Variants in DOCK1 observed in about 807,000 individuals in gnomAD.
DOCK1 encodes the protein dedicator of cytokinesis 1.
A neutral mutation model predicts 262.7 loss-of-function variants in DOCK1; 138 were observed. That is an observed-to-expected ratio of 0.53 (90% CI 0.46 to 0.61). The LOEUF is 0.61. Ranked by LOEUF, DOCK1 falls within the 20% of genes least tolerant of loss-of-function variation. DOCK1 has a pLI of 0.00. For synonymous variants in DOCK1, 866 were observed against 867.4 expected (o/e 1.00, Z 0.03); for missense variants, 1,908 against 2,370.7 (o/e 0.80, Z 4.05).
Position 127,024,697 on chromosome 10 carries a change from C to T in DOCK1, c.1465C>T (p.Pro489Ser), listed in dbSNP as rs1434561401. 1 of 1,610,554 alleles carries T rather than the reference C, an allele frequency of 6.2e-7. No individual in the cohort carries two copies. Among genetic ancestry groups the T allele is most frequent in the Non-Finnish European group, 8.5e-7 (1 of 1,178,634 alleles). ...DGKRLEHVIF[P>S]GAGDEAISEY... ...TCTTCTTTTAAAGCATGTGATTTTC[C>T]CGGGTGCTGGTGATGAAGCGATTTC... is the stretch of plus-strand genomic sequence containing the variant. Residue 489 changes from proline (P) to serine (S), a missense_variant, in exon 15 of 52, where the codon CCG becomes TCG. Pro to Ser is a moderately conservative substitution (Grantham distance 74). This residue lies in a region of DOCK1 where 294 missense variants were observed against 439.9 expected (regional missense o/e 0.67). Coordinates refer to ENST00000623213, the MANE Select transcript of DOCK1 (RefSeq NM_001290223.2).
chr10:126,971,061 T>G (rs2038066581), intron 2 of DOCK1, among the ~76,000 whole-genome samples: 1 of 147,704 alleles, frequency 6.8e-6, no homozygotes, highest in Non-Finnish European at 1.5e-5. Context: ...TTTTTTTTTT[T>G]TCCTTTTGAG....
chr10:127,085,723 A>T (rs1428931186), intron 23 of DOCK1, among the ~76,000 whole-genome samples: 1 of 152,032 alleles, frequency 6.6e-6, no homozygotes, highest in East Asian at 1.9e-4. Context: ...GCGCCACTGC[A>T]CTCCAGCCTG....
At chr10:127,051,316 C>T (rs950570323) in intron 21 of DOCK1, among the ~76,000 whole-genome samples, 1 of 151,968 alleles carries the variant, frequency 6.6e-6, no homozygotes, top group African/African-American at 2.4e-5. Flanking sequence ...CTTCATGTGT[C>T]CACTGATAGT....
rs142413965 is a variant in DOCK1, at chr10:127,029,489, C to T, written c.1625-2161C>T. On this transcript the variant is annotated intron_variant, in intron 16 of 51. Transcript: ENST00000623213. ...GTCGGCAACTCCAGCTGCACCAGAC[C>T]GTGTGGTCCACGGAGCCAGGCAGAC... Among the ~76,000 whole-genome samples, 427 of 152,320 alleles carry T rather than the reference C, an allele frequency of 2.8e-3. 2 individuals are homozygous for T. The highest frequency in any genetic ancestry group is 9.0e-3 in the African/African-American group (375 of 41,578).
chr10:127,067,983 C>T lies in DOCK1; in HGVS notation c.2445+6207C>T, dbSNP rs566081705. Reference sequence around the variant, plus strand: ...GTTTGTCTTCCTTCTGGGGCACTGTCCCCAGGGAGCAGGCTTCCCCATCTC... The same window carrying T: ...GTTTGTCTTCCTTCTGGGGCACTGTTCCCAGGGAGCAGGCTTCCCCATCTC... On this transcript the variant is annotated intron_variant, in intron 23 of 51. Coordinates refer to ENST00000623213, the MANE Select transcript of DOCK1 (RefSeq NM_001290223.2). 2.1e-4 allele frequency among the ~76,000 whole-genome samples: 32 copies of T among 152,100 alleles called. No individual in the cohort carries two copies. The South Asian group carries it at 6.2e-3, about 30-fold the overall frequency.
intron 27 of DOCK1, among the ~76,000 whole-genome samples, chr10:127,227,585 A>C (rs971842689): frequency 2.0e-5 from 3 of 152,248 alleles, no homozygotes; most frequent in African/African-American, 7.2e-5. Context: ...ATGCTGGTCC[A>C]TGCAGAAACA....
chr10:127,015,119 TCTTC>T (rs962504855), intron 12 of DOCK1: 4 of 152,098 alleles, frequency 2.6e-5, no homozygotes, highest in Admixed American at 2.0e-4. Context: ...TATTGGTGGT[TCTTC>T]CTTCTTCAAA....
At chr10:127,377,730 A>T (rs139977807) in intron 35 of DOCK1, among the ~76,000 whole-genome samples, 2,004 of 152,052 alleles carry the variant, frequency 0.013, 48 homozygotes, top group African/African-American at 0.046. Context: ...CATCTCTACT[A>T]AAAATACAAA....
intron 4 of DOCK1, among the ~76,000 whole-genome samples, chr10:126,985,652 G>A (rs917551685): frequency 2.6e-5 from 4 of 152,144 alleles, no homozygotes; most frequent in African/African-American, 9.7e-5. Flanking sequence ...CAGCCCAGTC[G>A]TTGTTGCAGA....
intron 25 of DOCK1, among the ~76,000 whole-genome samples, chr10:127,111,601 T>C (rs1481715763): frequency 6.6e-6 from 1 of 152,128 alleles, no homozygotes; most frequent in Non-Finnish European, 1.5e-5. Flanking sequence ...AGGCTGATGA[T>C]AGAGGTGATG....
At chr10:127,372,104 C>G (rs766190020) in intron 33 of DOCK1, among the ~76,000 whole-genome samples, 5 of 152,190 alleles carry the variant, frequency 3.3e-5, no homozygotes, top group Non-Finnish European at 7.3e-5. Context: ...GAGAGATTCA[C>G]TAAGGTCCGG....
chr10:127,088,238 C>T (rs1369106725), intron 23 of DOCK1, among the ~76,000 whole-genome samples: 1 of 152,184 alleles, frequency 6.6e-6, no homozygotes, highest in African/African-American at 2.4e-5. Flanking sequence ...GTCCTTTTCG[C>T]TTATTATTGT....
chr10:127,332,692 C>G (rs2720996), intron 29 of DOCK1, among the ~76,000 whole-genome samples: 169 of 152,286 alleles, frequency 1.1e-3, no homozygotes, highest in African/African-American at 3.8e-3. Flanking sequence ...TTACTTTGCC[C>G]TTGTGATACT....
chr10:127,382,540 G>A (rs903540624), intron 37 of DOCK1, among the ~76,000 whole-genome samples: 19 of 152,274 alleles, frequency 1.2e-4, no homozygotes, highest in South Asian at 1.0e-3. Flanking sequence ...ATTTTGCCCC[G>A]TGCCACGTGG....
At chr10:127,211,302 A>G (rs558491770) in intron 27 of DOCK1, among the ~76,000 whole-genome samples, 1 of 152,300 alleles carries the variant, frequency 6.6e-6, no homozygotes, top group Non-Finnish European at 1.5e-5. Flanking sequence ...GCAGACTCCT[A>G]GACTCGGGTT....
intron 23 of DOCK1, among the ~76,000 whole-genome samples, chr10:127,074,615 A>G (rs1591914225): frequency 6.6e-6 from 1 of 152,334 alleles, no homozygotes; most frequent in Middle Eastern, 3.4e-3. Flanking sequence ...TAAAAAGTGT[A>G]TCTTATTAAA....
chr10:127,066,944 G>A (rs77503109), intron 23 of DOCK1, among the ~76,000 whole-genome samples: 4,403 of 152,308 alleles, frequency 0.029, 185 homozygotes, highest in East Asian at 0.13. Context: ...TTGGCTCCTA[G>A]AGACAGTGTT....
At chr10:127,156,282 C>T (rs2053038923) in intron 27 of DOCK1, among the ~76,000 whole-genome samples, 1 of 152,144 alleles carries the variant, frequency 6.6e-6, no homozygotes, top group Non-Finnish European at 1.5e-5. Context: ...AGTCACACTT[C>T]AGGTCCAGGA....
rs1027535369 is a variant in DOCK1, at chr10:127,100,862, G to T, written c.2446-5369G>T. 1.3e-5 allele frequency among the ~76,000 whole-genome samples: 2 copies of T among 152,134 alleles called. No individual in the cohort carries two copies. Among genetic ancestry groups the T allele is most frequent in the African/African-American group, 4.8e-5 (2 of 41,430 alleles). The stretch of plus-strand genomic sequence containing the variant: ...GCTGCAGTGGGAGTGAGGAGGGGTC[G>T]TGTGGGAAGTGGACGCAGGCCTTGC... On this transcript the variant is annotated intron_variant, in intron 23 of 51. Coordinates refer to ENST00000623213, the MANE Select transcript of DOCK1 (RefSeq NM_001290223.2). The surrounding 1 kb of genome is among the most constrained non-coding windows in gnomAD (Gnocchi z 5.5).
Sources: gnomAD v4.1 joint callset for allele counts (sites outside exome capture counted in the v4.1 genomes callset) on GRCh38, gnomAD v4.1.1 for gene constraint, gnomAD v4.1.1 regional missense constraint, Gnocchi (gnomAD v3.1) non-coding constraint, MANE v1.5 for transcripts, NCBI Gene and HGNC (gene_info 2026-07-23, HGNC 2026-07-21) for gene names.